SMG1: variants seen among roughly 807,000 people sequenced by gnomAD.
SMG1 encodes SMG1 nonsense mediated mRNA decay associated PI3K related kinase.
Under a neutral mutation model 419.9 loss-of-function variants are expected in SMG1, and 22 were observed. The observed-to-expected ratio is 0.05, with a 90% confidence interval of 0.04 to 0.07. SMG1 has a LOEUF of 0.07. SMG1 is among the 10% of genes least tolerant of loss of function. SMG1 has a pLI of 1.00. For synonymous variants in SMG1, 1,538 were observed against 1,553.5 expected (o/e 0.99, Z 0.23); for missense variants, 3,185 against 4,342.0 (o/e 0.73, Z 7.49).
rs761654258 is a variant in SMG1 at position 18,907,920 on chromosome 16, G to C, written c.93-10964C>G. Among the ~76,000 whole-genome samples, 3 of 148,726 alleles carry C rather than the reference G, an allele frequency of 2.0e-5. No individual in the cohort carries two copies. The Admixed American group carries it at 2.0e-4, about 10-fold the overall frequency. ...CATCACTTATCTTCCCCTTTTGTCA[G>C]TAAGTCCTGGAAGTACCCTAGAAAC... On this transcript the variant is annotated intron_variant, in intron 1 of 62. Transcript: ENST00000446231.
chr16:18,832,116 C>G (rs2033226349), intron 51 of SMG1, among the ~76,000 whole-genome samples: 1 of 152,162 alleles, frequency 6.6e-6, no homozygotes, highest in South Asian at 2.1e-4. Context: ...ACTATTCTCT[C>G]TACAGTCTTG....
intron 51 of SMG1, among the ~76,000 whole-genome samples, 187 bp from the exon 52 acceptor site, chr16:18,830,556 G>A (rs1001564844): frequency 1.3e-5 from 2 of 152,130 alleles, no homozygotes; most frequent in African/African-American, 4.8e-5. Context: ...GGCAGGCCGA[G>A]GTGGGCAGAT....
Position 18,806,245 on chromosome 16 carries a change from A to C in SMG1, c.*3324T>G, listed in dbSNP as rs2030826224. Reference sequence around the variant, plus strand: ...TGCAGATAACACCAAACATTGGACAATATTAAGAAAACTACTTACTAAGCT... The same window carrying C: ...TGCAGATAACACCAAACATTGGACACTATTAAGAAAACTACTTACTAAGCT... On this transcript the variant is annotated 3_prime_UTR_variant, in exon 63 of 63. Coordinates refer to ENST00000446231, the MANE Select transcript of SMG1 (RefSeq NM_015092.5). The C allele has an allele frequency of 6.6e-6, 1 of 152,660 alleles. No individual in the cohort carries two copies. Among genetic ancestry groups the C allele is most frequent in the Non-Finnish European group, 1.5e-5 (1 of 68,040 alleles). The allele number at this position is 152,660 out of a possible 1,614,324, so 9.5% of individuals were successfully genotyped here. A position where few individuals can be genotyped will look rare whatever the true frequency, so the allele number is the denominator to read the frequency against.
chr16:18,916,897 A>G (rs1388795226), intron 1 of SMG1, among the ~76,000 whole-genome samples: 1 of 152,120 alleles, frequency 6.6e-6, no homozygotes, highest in East Asian at 1.9e-4. Flanking sequence ...AAGGAACAAG[A>G]GTCAGGTAAC....
intron 20 of SMG1, 47 bp downstream of exon 20, chr16:18,869,057 T>C: frequency 6.7e-7 from 1 of 1,483,708 alleles, no homozygotes; most frequent in Non-Finnish European, 9.4e-7. Flanking sequence ...CAGTATTTCT[T>C]AATAAGGCTT....
intron 41 of SMG1, 109 bp downstream of exon 41, chr16:18,841,456 T>C (rs2033921758): frequency 1.0e-6 from 1 of 991,154 alleles, no homozygotes. Flanking sequence ...CTCAAGTCTT[T>C]TCCTTCTTTA....
At chr16:18,821,352 C>T (rs1301516321) in intron 55 of SMG1, among the ~76,000 whole-genome samples, 1 of 41,766 alleles carries the variant, frequency 2.4e-5, no homozygotes, top group African/African-American at 8.4e-5. Flanking sequence ...GCGCTGCACC[C>T]ACTAATGTGT....
intron 1 of SMG1, among the ~76,000 whole-genome samples, chr16:18,924,312 G>GC (rs1213395323): frequency 6.6e-6 from 1 of 152,184 alleles, no homozygotes; most frequent in Non-Finnish European, 1.5e-5. Context: ...GCTGGCCCTA[G>GC]CACGTGGCTG....
At chr16:18,910,745 C>G (rs1358700418) in intron 1 of SMG1, among the ~76,000 whole-genome samples, 3 of 152,092 alleles carry the variant, frequency 2.0e-5, no homozygotes, top group Non-Finnish European at 4.4e-5. Flanking sequence ...TGGTTCTTCT[C>G]CACCCCCTCA....
At chr16:18,921,377 TA>T (rs1347312356) in intron 1 of SMG1, among the ~76,000 whole-genome samples, 1 of 152,044 alleles carries the variant, frequency 6.6e-6, no homozygotes, top group Non-Finnish European at 1.5e-5. Context: ...AAGAAAAACA[TA>T]AAAACAAACG....
In SMG1 at chr16:18,819,648, G is replaced by C. The variant is rs1023389703; in HGVS notation, c.9748C>G (p.Leu3250Val). 2 of 1,563,970 alleles carry C rather than the reference G, an allele frequency of 1.3e-6. No homozygotes were observed. Among genetic ancestry groups the C allele is most frequent in the Non-Finnish European group, 1.7e-6 (2 of 1,155,450 alleles). The change falls in exon 56 of 63, where the codon CTA becomes GTA. Residue 3250 changes from leucine to valine, a missense_variant. Coordinates refer to ENST00000446231, the MANE Select transcript of SMG1 (RefSeq NM_015092.5). ...ETSIATVQEK[L>V]AALESSIEQR... The stretch of plus-strand genomic sequence containing the variant: ...TCAATACTTGATTCAAGTGCAGCTA[G>C]CTTCTCCTATAAAAGCCAGCAGAAT...
intron 6 of SMG1, among the ~76,000 whole-genome samples, chr16:18,888,599 C>T (rs185743743): frequency 1.3e-5 from 2 of 151,578 alleles, no homozygotes; most frequent in Admixed American, 6.6e-5. Flanking sequence ...TCCTGAGTAG[C>T]TGGGACTACA....
Position 18,807,972 on chromosome 16 carries a change from A to G in SMG1, c.*1597T>C, listed in dbSNP as rs1159145657. 1 of 152,268 alleles carries G rather than the reference A, an allele frequency of 6.6e-6. No homozygotes were observed. Among genetic ancestry groups the G allele is most frequent in the Non-Finnish European group, 1.5e-5 (1 of 68,110 alleles). The allele number at this position is 152,268 out of a possible 1,614,324, so 9.4% of individuals were successfully genotyped here. ...AAGACGGGGTTTCACCGTGTTAGCCAGGATGGTCTCGCTCTCCTAACCTCA... is the reference window on the plus strand; with the variant it reads ...AAGACGGGGTTTCACCGTGTTAGCCGGGATGGTCTCGCTCTCCTAACCTCA... On this transcript the variant is annotated 3_prime_UTR_variant, in exon 63 of 63. Coordinates refer to ENST00000446231, the MANE Select transcript of SMG1 (RefSeq NM_015092.5).
intron 29 of SMG1, among the ~76,000 whole-genome samples, chr16:18,855,496 T>C (rs1381756346): frequency 1.3e-5 from 2 of 152,216 alleles, no homozygotes; most frequent in Non-Finnish European, 1.5e-5. Context: ...ACTGGTCATC[T>C]ACACTCTATT....
In SMG1 at chr16:18,839,954, A is replaced by G. The variant is rs1349978190; in HGVS notation, c.6697-8T>C. On this transcript the variant is annotated splice_region_variant and splice_polypyrimidine_tract_variant and intron_variant, in intron 41 of 62. Transcript: ENST00000446231. Reference sequence around the variant, plus strand: ...TTGGTAGGAATCTTGGGCCTTAAGAAAAAACAATTTTTTTAAAAAAGAAAA... The same window carrying G: ...TTGGTAGGAATCTTGGGCCTTAAGAGAAAACAATTTTTTTAAAAAAGAAAA... 2.0e-6 allele frequency: 3 copies of G among 1,528,726 alleles called. No homozygotes were observed. The highest frequency in any genetic ancestry group is 1.2e-5 in the South Asian group (1 of 80,894). 94.7% of individuals were successfully genotyped at this position (1,528,726 alleles called of 1,614,324 possible).
rs752701348 is a variant in SMG1, at chr16:18,829,399, T to C, written c.9490A>G (p.Ser3164Gly). ...TTCTTCCAGGCAGTGTCGTAAGAAC[T>C]TGCTAACACAGTTGCCCTGTTCATA... ...LVMNRATVLA[S>G]SYDTAWKKHD... Residue 3164 changes from serine to glycine, a missense_variant, in exon 54 of 63, where the codon AGT (serine) becomes GGT (glycine). Physicochemically the swap from Ser to Gly is moderately conservative, Grantham distance 56 (BLOSUM62 0). Around this residue, in one of 27 missense-constraint regions of SMG1, gnomAD observed 737 missense variants for 846.6 expected, o/e 0.87. Transcript: ENST00000446231. 5.6e-6 allele frequency: 9 copies of C among 1,613,908 alleles called. No individual in the cohort carries two copies. Among genetic ancestry groups the C allele is most frequent in the Admixed American group, 5.0e-5 (3 of 59,996 alleles).
intron 33 of SMG1, 27 bp downstream of exon 33, chr16:18,852,040 T>C: frequency 6.3e-7 from 1 of 1,581,138 alleles, no homozygotes; most frequent in Middle Eastern, 1.9e-4. Context: ...AGTAGCAATC[T>C]TGCCCCAAGC....
At chr16:18,922,853 G>A (rs528261752) in intron 1 of SMG1, among the ~76,000 whole-genome samples, 7 of 152,160 alleles carry the variant, frequency 4.6e-5, no homozygotes, top group African/African-American at 1.2e-4. Flanking sequence ...ACTGAAGGTG[G>A]GCAGACTGTT....
In SMG1 at chr16:18,859,145, G is replaced by A. The variant is rs545804903; in HGVS notation, c.3990C>T (p.Ile1330=). 71 of 1,534,936 alleles carry A rather than the reference G, an allele frequency of 4.6e-5. No homozygotes were observed. The African/African-American group carries it at 7.4e-4, about 16-fold the overall frequency. ...TAGAAAGTCTCAGAGGTCCAATAGC[G>A]ATGCGGGATGTTTGCTTCAAGTACT... ...VVKYLKQTSR[I]AIGPLRLSTL... Residue 1330 remains isoleucine, a synonymous_variant, in exon 28 of 63, where the codon ATC becomes ATT. Coordinates refer to ENST00000446231, the MANE Select transcript of SMG1 (RefSeq NM_015092.5).
Sources: gnomAD v4.1 joint callset for allele counts (sites outside exome capture counted in the v4.1 genomes callset) on GRCh38, gnomAD v4.1.1 for gene constraint, gnomAD v4.1.1 regional missense constraint, MANE v1.5 for transcripts, NCBI Gene and HGNC (gene_info 2026-07-23, HGNC 2026-07-21) for gene names.